DLG2: variants seen among roughly 807,000 people sequenced by gnomAD.
DLG2 encodes discs large MAGUK scaffold protein 2.
A neutral mutation model predicts 132.5 loss-of-function variants in DLG2; 45 were observed. The observed-to-expected ratio is 0.34, with a 90% CI of 0.27 to 0.44. The LOEUF (loss-of-function observed/expected upper bound fraction) is 0.44, where lower values mean the gene tolerates loss of function less well. Ranked by LOEUF, DLG2 falls within the 20% of genes least tolerant of loss-of-function variation. The pLI, the probability that DLG2 is intolerant of heterozygous loss-of-function variation, is 1.00. For missense variants in DLG2, 1,045 were observed against 1,196.9 expected, an observed-to-expected ratio of 0.87 and a Z score of 1.87; for synonymous variants, 424 against 419.6, an observed-to-expected ratio of 1.01 and a Z score of -0.13.
At chr11:85,462,942 A>G (rs2092664345) in intron 3 of DLG2, among the ~76,000 whole-genome samples, 1 of 152,204 alleles carries the variant, frequency 6.6e-6, no homozygotes, top group Non-Finnish European at 1.5e-5. Flanking sequence ...GAAGGTTCAC[A>G]AGCAAGCTGT....
chr11:84,408,455 A>G (rs1338852429), intron 7 of DLG2, among the ~76,000 whole-genome samples: 1 of 152,092 alleles, frequency 6.6e-6, no homozygotes, highest in Non-Finnish European at 1.5e-5. Context: ...TTAACTCATC[A>G]TTGCACATGT....
chr11:84,740,372 C>T (rs2064439896), intron 6 of DLG2, among the ~76,000 whole-genome samples: 1 of 152,134 alleles, frequency 6.6e-6, no homozygotes, highest in Non-Finnish European at 1.5e-5. Flanking sequence ...TACTTACAAT[C>T]CTTACTACAG....
At chr11:84,325,228 A>ATACTT (rs2098424704) in intron 7 of DLG2, among the ~76,000 whole-genome samples, 1 of 152,006 alleles carries the variant, frequency 6.6e-6, no homozygotes, top group Non-Finnish European at 1.5e-5. Flanking sequence ...TTTAATTATT[A>ATACTT]TACTTTAAGT....
chr11:84,353,975 T>G (rs1023589425), intron 7 of DLG2, among the ~76,000 whole-genome samples: 4 of 152,134 alleles, frequency 2.6e-5, no homozygotes, highest in Admixed American at 2.6e-4. Context: ...ATAGCACTTA[T>G]CAAAATCATA....
At chr11:85,403,672 C>T (rs892102402) in intron 3 of DLG2, among the ~76,000 whole-genome samples, 13 of 151,662 alleles carry the variant, frequency 8.6e-5, no homozygotes, top group South Asian at 8.3e-4. Flanking sequence ...TATGATATCA[C>T]GTTTTGGAAG....
intron 7 of DLG2, among the ~76,000 whole-genome samples, chr11:84,423,327 C>G (rs1188830859): frequency 6.6e-6 from 1 of 152,086 alleles, no homozygotes; most frequent in Non-Finnish European, 1.5e-5. Flanking sequence ...TATTTTGTCT[C>G]ACTTAGTACA....
intron 8 of DLG2, among the ~76,000 whole-genome samples, chr11:84,217,994 C>A (rs1049843056): frequency 1.3e-5 from 2 of 151,986 alleles, no homozygotes; most frequent in Non-Finnish European, 2.9e-5. Context: ...ATGGTGAAAT[C>A]CCATTTCTAA....
intron 4 of DLG2, among the ~76,000 whole-genome samples, chr11:85,172,411 G>T (rs1054723624): frequency 6.6e-6 from 1 of 152,092 alleles, no homozygotes; most frequent in Non-Finnish European, 1.5e-5. Flanking sequence ...CAAACAGAAA[G>T]CTACAACAAC....
At chr11:84,410,762 T>C (rs147237400) in intron 7 of DLG2, among the ~76,000 whole-genome samples, 4,849 of 151,848 alleles carry the variant, frequency 0.032, 138 homozygotes, top group South Asian at 0.16. Flanking sequence ...GTATTTTTAG[T>C]AGAGATGGGC....
chr11:85,154,762 G>C, intron 4 of DLG2, 111 bp from the exon 5 acceptor site: 1 of 569,230 alleles, frequency 1.8e-6, no homozygotes, highest in South Asian at 2.8e-5. Context: ...ATAAATATTA[G>C]ATGTTGCTTA....
At chr11:84,823,467 T>C (rs2077941954) in intron 6 of DLG2, among the ~76,000 whole-genome samples, 1 of 151,546 alleles carries the variant, frequency 6.6e-6, no homozygotes, top group Admixed American at 6.6e-5. Flanking sequence ...TCCCTCTACT[T>C]TCTCCTAGGT....
At chr11:84,662,787 A>C (rs1057369056) in intron 6 of DLG2, among the ~76,000 whole-genome samples, 2 of 54,856 alleles carry the variant, frequency 3.6e-5, no homozygotes, top group Admixed American at 3.1e-4. Context: ...ACTCTGTCAC[A>C]AAAAAAAAAA....
At chr11:85,393,922 G>C (rs1282349773) in intron 3 of DLG2, among the ~76,000 whole-genome samples, 2 of 151,972 alleles carry the variant, frequency 1.3e-5, no homozygotes, top group African/African-American at 4.8e-5. Context: ...GGTGTGAGAG[G>C]GATGAAGAAT....
intron 7 of DLG2, among the ~76,000 whole-genome samples, chr11:84,469,411 C>T (rs2099102804): frequency 6.6e-6 from 1 of 151,536 alleles, no homozygotes; most frequent in Non-Finnish European, 1.5e-5. Context: ...TTTGTATGGC[C>T]TTGGAATTAA....
chr11:84,683,322 C>T (rs1026949502), intron 6 of DLG2, among the ~76,000 whole-genome samples: 5 of 152,146 alleles, frequency 3.3e-5, no homozygotes, highest in Non-Finnish European at 5.9e-5. Flanking sequence ...CTCTCCTATG[C>T]CTGTGGGTTG....
chr11:83,855,592 C>T (rs1472875844), intron 16 of DLG2, among the ~76,000 whole-genome samples: 1 of 152,090 alleles, frequency 6.6e-6, no homozygotes, highest in Non-Finnish European at 1.5e-5. Context: ...CTGTATTATT[C>T]CAACTATCTG....
chr11:85,012,712 G>A (rs2059246902), intron 6 of DLG2, among the ~76,000 whole-genome samples: 1 of 152,010 alleles, frequency 6.6e-6, no homozygotes, highest in South Asian at 2.1e-4. Flanking sequence ...AAATACCATA[G>A]AAAGAAGGAT....
At chr11:85,430,476 T>A (rs1341313642) in intron 3 of DLG2, among the ~76,000 whole-genome samples, 1 of 152,074 alleles carries the variant, frequency 6.6e-6, no homozygotes, top group Admixed American at 6.6e-5. Flanking sequence ...GGTACAAAAA[T>A]CATTACATAT....
chr11:84,039,370 GC>G (rs1460671605), intron 11 of DLG2, among the ~76,000 whole-genome samples: 1 of 91,376 alleles, frequency 1.1e-5, no homozygotes, highest in Non-Finnish European at 2.1e-5. Context: ...CCCTCCCCCC[GC>G]CCCCCACCCC....
Sources: gnomAD v4.1 joint callset for allele counts (sites outside exome capture counted in the v4.1 genomes callset) on GRCh38, gnomAD v4.1.1 for gene constraint, MANE v1.5 for transcripts, NCBI Gene and HGNC (gene_info 2026-07-23, HGNC 2026-07-21) for gene names.